The following LAMA3 variants were observed in gnomAD, a reference collection of about 807,000 sequenced individuals.
LAMA3 encodes the protein laminin subunit alpha-3.
A neutral mutation model predicts 402.0 loss-of-function variants in LAMA3; 281 were observed. The ratio of observed to expected loss-of-function variants is 0.70; its 90% CI spans 0.63 to 0.77. The LOEUF is 0.77. Among genes scored for constraint, LAMA3 ranks in the 30% least tolerant of loss-of-function variants. LAMA3 has a pLI of 0.00. For missense variants in LAMA3, 3,840 were observed against 4,215.5 expected, an observed-to-expected ratio of 0.91 and a Z score of 2.47; for synonymous variants, 1,431 against 1,558.4, an observed-to-expected ratio of 0.92 and a Z score of 1.93.
intron 32 of LAMA3, among the ~76,000 whole-genome samples, chr18:23,852,853 C>T (rs1447258427): frequency 1.3e-5 from 2 of 152,042 alleles, no homozygotes; most frequent in African/African-American, 4.8e-5. Context: ...CACTTTTTGT[C>T]TGTGTTCTGT....
chr18:23,825,300 G>A (rs1380345035), intron 21 of LAMA3, among the ~76,000 whole-genome samples: 11 of 152,218 alleles, frequency 7.2e-5, no homozygotes, highest in Non-Finnish European at 7.3e-5. Flanking sequence ...TTTGCTATGT[G>A]CTTTAAGGCC....
chr18:23,837,306 A>G, intron 25 of LAMA3: 1 of 546,102 alleles, frequency 1.8e-6, no homozygotes, highest in Non-Finnish European at 3.3e-6. Context: ...ATATTTAAGC[A>G]CCTCTCACAA....
intron 16 of LAMA3, 44 bp from the exon 17 acceptor site, chr18:23,815,424 C>T (rs767367879): frequency 3.3e-6 from 5 of 1,522,088 alleles, no homozygotes; most frequent in Non-Finnish European, 3.6e-6. Context: ...TTAGTGAATT[C>T]TGTAATTATA....
Position 23,824,515 on chromosome 18 carries a change from A to G in LAMA3, c.2521A>G (p.Ile841Val), listed in dbSNP as rs1390471876. 2 of 1,614,150 alleles carry G rather than the reference A, an allele frequency of 1.2e-6. No individual in the cohort carries two copies. The highest frequency in any genetic ancestry group is 2.2e-5 in the East Asian group (1 of 44,872). The change falls in exon 21 of 75, where the codon ATC becomes GTC. Residue 841 changes from isoleucine (I) to valine (V), a missense_variant. Ile to Val is a conservative substitution (Grantham distance 29, BLOSUM62 3). Coordinates refer to ENST00000313654, the MANE Select transcript of LAMA3 (RefSeq NM_198129.4). ...AAATGGTTTTGCAGACCCATTTTCA[A>G]TCACACCAGGAATATGGGTTGCTTG... is the stretch of plus-strand genomic sequence containing the variant. Reference protein sequence around the residue: ...PGNGFADPFSITPGIWVACIK... With the variant: ...PGNGFADPFSVTPGIWVACIK...
At chr18:23,811,174 T>A (rs2063061899) in intron 13 of LAMA3, among the ~76,000 whole-genome samples, 2 of 152,128 alleles carry the variant, frequency 1.3e-5, no homozygotes, top group Non-Finnish European at 2.9e-5. Flanking sequence ...GGCTTGCCCA[T>A]GTACCATGGC....
At chr18:23,853,573 C>G (rs925725192) in intron 32 of LAMA3, among the ~76,000 whole-genome samples, 4 of 152,170 alleles carry the variant, frequency 2.6e-5, no homozygotes, top group Non-Finnish European at 5.9e-5. Context: ...CACCCGGCCC[C>G]TTAATGACCA....
chr18:23,864,840 G>C lies in LAMA3; in HGVS notation c.4640G>C (p.Gly1547Ala). 5 of 1,613,734 alleles carry C rather than the reference G, an allele frequency of 3.1e-6. No homozygotes were observed. In the South Asian group the frequency reaches 5.5e-5, roughly 18 times the overall value. The stretch of plus-strand genomic sequence containing the variant: ...CAAGCCAAGTCCTTTGGCTTGCCTG[G>C]CGACATGGTTCTTCTGGAAAAGAAG... The part of the protein sequence containing the change: ...TYQAKSFGLP[G>A]DMVLLEKKPD... Residue 1547 changes from glycine (G) to alanine (A), a missense_variant, in exon 36 of 75, where the codon GGC becomes GCC. Gly to Ala is a moderately conservative substitution (Grantham distance 60). Around this residue, in one of 3 missense-constraint regions of LAMA3, gnomAD observed 2,109 missense variants for 2,376.0 expected, o/e 0.89. Transcript: ENST00000313654.
chr18:23,697,379 C>A (rs1053992392), intron 1 of LAMA3, among the ~76,000 whole-genome samples: 1 of 152,160 alleles, frequency 6.6e-6, no homozygotes, highest in African/African-American at 2.4e-5. Flanking sequence ...TTTTGGTCAA[C>A]GACGCAGGCT....
chr18:23,731,567 G>A (rs1050616216), intron 2 of LAMA3, among the ~76,000 whole-genome samples: 1 of 152,166 alleles, frequency 6.6e-6, no homozygotes, highest in Non-Finnish European at 1.5e-5. Flanking sequence ...GTGCAGTCAT[G>A]GCATGAAGAA....
chr18:23,737,115 A>G (rs1260283766), intron 2 of LAMA3, among the ~76,000 whole-genome samples: 2 of 149,424 alleles, frequency 1.3e-5, no homozygotes, highest in Admixed American at 6.8e-5. Context: ...TGCTGGCTCC[A>G]GTTTCTCTGT....
At chr18:23,714,163 A>C (rs199550712) in intron 2 of LAMA3, 91 bp downstream of exon 2, 10 of 1,021,106 alleles carry the variant, frequency 9.8e-6, no homozygotes, top group East Asian at 5.0e-5. Context: ...TAAAAAAAAA[A>C]CAAACTTCAG....
At chr18:23,792,977 A>G (rs1372644534) in intron 12 of LAMA3, among the ~76,000 whole-genome samples, 1 of 152,162 alleles carries the variant, frequency 6.6e-6, no homozygotes, top group African/African-American at 2.4e-5. Flanking sequence ...TATTGAGAAG[A>G]TACAGTTCCC....
intron 24 of LAMA3, chr18:23,834,225 A>T (rs942564151): frequency 9.7e-6 from 5 of 517,816 alleles, no homozygotes; most frequent in African/African-American, 9.6e-5. Flanking sequence ...GTACTTAGCA[A>T]TTTGGTTCAG....
intron 10 of LAMA3, 143 bp from the exon 11 acceptor site, chr18:23,777,414 A>G (rs1037542767): frequency 2.3e-5 from 15 of 662,184 alleles, no homozygotes; most frequent in Middle Eastern, 4.0e-4. Flanking sequence ...GAGATATAGC[A>G]ATATCGCCTT....
At chr18:23,725,038 G>T (rs556558827) in intron 2 of LAMA3, among the ~76,000 whole-genome samples, 1 of 151,200 alleles carries the variant, frequency 6.6e-6, no homozygotes. Flanking sequence ...TACTCCCATC[G>T]CATTTCCTTA....
At chr18:23,842,246 C>T in intron 27 of LAMA3, 149 bp from the exon 28 acceptor site, 1 of 950,874 alleles carries the variant, frequency 1.1e-6, no homozygotes, top group Admixed American at 2.0e-5. Flanking sequence ...TGTGTGAAGG[C>T]TTCTGGGTGA....
At chr18:23,702,063 C>G (rs2060800528) in intron 1 of LAMA3, among the ~76,000 whole-genome samples, 1 of 151,980 alleles carries the variant, frequency 6.6e-6, no homozygotes, top group African/African-American at 2.4e-5. Flanking sequence ...GGGACAGGAG[C>G]TTCTCCATAC....
At chr18:23,937,315 G>A (rs2082340698) in intron 67 of LAMA3, among the ~76,000 whole-genome samples, 1 of 141,596 alleles carries the variant, frequency 7.1e-6, no homozygotes, top group African/African-American at 2.7e-5. Flanking sequence ...GCAGTGAGCT[G>A]AGATCGCGCC....
chr18:23,794,890 T>TA (rs1250568806), intron 12 of LAMA3, among the ~76,000 whole-genome samples: 5 of 152,224 alleles, frequency 3.3e-5, no homozygotes, highest in Admixed American at 1.3e-4. Flanking sequence ...GTAGATTTCT[T>TA]AAAAAACCAC....
Sources: gnomAD v4.1 joint callset for allele counts (sites outside exome capture counted in the v4.1 genomes callset) on GRCh38, gnomAD v4.1.1 for gene constraint, gnomAD v4.1.1 regional missense constraint, MANE v1.5 for transcripts, NCBI Gene and HGNC (gene_info 2026-07-23, HGNC 2026-07-21) for gene names.